ENTREP3: variants seen among roughly 807,000 people sequenced by gnomAD.
The protein encoded by ENTREP3 is protein ENTREP3.
At chr1:155,251,083 C>T in the ENTREP3 span, 2 of 1,609,006 alleles carry the variant, frequency 1.2e-6, no homozygotes, top group Non-Finnish European at 1.7e-6. Flanking sequence ...CCCCTCATTA[C>T]GCCCTGCTCA....
the ENTREP3 span, chr1:155,250,942 G>T: frequency 7.9e-7 from 1 of 1,263,412 alleles, no homozygotes; most frequent in Non-Finnish European, 1.1e-6. The surrounding 1 kb of genome is among the most constrained non-coding windows in gnomAD (Gnocchi z 5.4). Context: ...TTATCTCAGA[G>T]GAGAAAAATA....
chr1:155,253,798 G>C, the ENTREP3 span: 1 of 1,609,842 alleles, frequency 6.2e-7, no homozygotes, highest in Non-Finnish European at 8.5e-7. Flanking sequence ...GGGCCTGTGA[G>C]TACCCCAGCA....
At chr1:155,247,801 C>T in the ENTREP3 span, 4 of 1,464,668 alleles carry the variant, frequency 2.7e-6, no homozygotes, top group Admixed American at 2.8e-5. Flanking sequence ...AGTCTCCCGG[C>T]TGCCCCCGTT....
the ENTREP3 span, chr1:155,255,445 G>A: frequency 6.5e-6 from 1 of 153,166 alleles, no homozygotes; most frequent in South Asian, 2.0e-4. This position sits in a 1 kb window ranked among gnomAD's most constrained non-coding sequence, Gnocchi z 5.6. Flanking sequence ...CCGAGCTCCG[G>A]CTGCCGCAGG....
the ENTREP3 span, chr1:155,250,410 G>A: frequency 6.6e-7 from 1 of 1,510,868 alleles, no homozygotes; most frequent in Non-Finnish European, 8.8e-7. This position sits in a 1 kb window ranked among gnomAD's most constrained non-coding sequence, Gnocchi z 5.4. Context: ...GCGACGAGTC[G>A]GGGCTCGGGT....
the ENTREP3 span, chr1:155,251,433 A>T: frequency 8.8e-7 from 1 of 1,130,182 alleles, no homozygotes; most frequent in South Asian, 1.3e-5. Flanking sequence ...TCCAGAGGCT[A>T]CAGCCTGTTC....
the ENTREP3 span, chr1:155,253,373 C>G: frequency 8.0e-6 from 4 of 496,900 alleles, no homozygotes; most frequent in Non-Finnish European, 1.4e-5. Context: ...ACCCCACCAT[C>G]CAGTCCCATT....
At chr1:155,254,127 C>G in the ENTREP3 span, 1 of 1,614,116 alleles carries the variant, frequency 6.2e-7, no homozygotes, top group Non-Finnish European at 8.5e-7. This position sits in a 1 kb window ranked among gnomAD's most constrained non-coding sequence, Gnocchi z 4.4. Context: ...AGCATTCTTA[C>G]AGGAGAGAAC....
the ENTREP3 span, chr1:155,254,340 G>T: frequency 2.5e-6 from 4 of 1,581,978 alleles, no homozygotes; most frequent in East Asian, 4.5e-5. The surrounding 1 kb of genome is among the most constrained non-coding windows in gnomAD (Gnocchi z 4.4). Context: ...GGACATAAAT[G>T]GGCTTCCCCT....
chr1:155,250,597 G>T, the ENTREP3 span: 4 of 1,607,226 alleles, frequency 2.5e-6, no homozygotes, highest in Non-Finnish European at 2.5e-6. This position sits in a 1 kb window ranked among gnomAD's most constrained non-coding sequence, Gnocchi z 5.4. Flanking sequence ...CGGGCAGCCC[G>T]TGGGGGGCGC....
At chr1:155,254,494 G>C in the ENTREP3 span, 3 of 1,611,924 alleles carry the variant, frequency 1.9e-6, no homozygotes, top group Admixed American at 5.0e-5. The surrounding 1 kb of genome is among the most constrained non-coding windows in gnomAD (Gnocchi z 4.4). Flanking sequence ...CCTGGCAGGG[G>C]AGGCTCCTGA....
At chr1:155,248,252 T>C in the ENTREP3 span, 1 of 1,602,814 alleles carries the variant, frequency 6.2e-7, no homozygotes, top group Non-Finnish European at 8.5e-7. Flanking sequence ...ACGTAGCAAC[T>C]TGGGGGAAGG....
At chr1:155,253,566 A>T in the ENTREP3 span, 5 of 1,234,050 alleles carry the variant, frequency 4.1e-6, no homozygotes, top group Non-Finnish European at 5.9e-6. Context: ...GGCAAGTCTC[A>T]GCACACACAC....
the ENTREP3 span, chr1:155,247,840 C>G: frequency 8.7e-6 from 13 of 1,490,646 alleles, no homozygotes; most frequent in Admixed American, 2.5e-5. Context: ...GCGGGTACCA[C>G]GCTCCAGCCT....
At chr1:155,253,962 A>T in the ENTREP3 span, 1 of 1,613,060 alleles carries the variant, frequency 6.2e-7, no homozygotes. Context: ...GGGACAGCAC[A>T]CACAGACCTT....
chr1:155,253,390 A>AG, the ENTREP3 span: 15 of 529,824 alleles, frequency 2.8e-5, no homozygotes, highest in Non-Finnish European at 5.0e-5. Context: ...CATTCTCTAA[A>AG]GCACCCTCTC....
At chr1:155,250,945 G>T in the ENTREP3 span, 19 of 1,256,388 alleles carry the variant, frequency 1.5e-5, no homozygotes, top group Non-Finnish European at 1.2e-5. The surrounding 1 kb of genome is among the most constrained non-coding windows in gnomAD (Gnocchi z 5.4). Context: ...TCTCAGAGGA[G>T]AAAAATAAGT....
the ENTREP3 span, chr1:155,247,933 C>T: frequency 2.8e-5 from 45 of 1,599,694 alleles, no homozygotes; most frequent in East Asian, 2.7e-4. Context: ...TCGGCCAGGC[C>T]GGCCCCACAG....
At chr1:155,247,434 T>TA in the ENTREP3 span, 76 of 564,652 alleles carry the variant, frequency 1.3e-4, 2 homozygotes, top group Middle Eastern at 0.017. Flanking sequence ...ACCCTGTACT[T>TA]AAACACCTGG....
Sources: allele counts gnomAD v4.1 joint callset, GRCh38; gene constraint gnomAD v4.1.1; non-coding constraint Gnocchi (gnomAD v3.1); transcripts MANE v1.5; gene names NCBI Gene and HGNC (gene_info 2026-07-23, HGNC 2026-07-21).